C12orf54: variants seen among roughly 807,000 people sequenced by gnomAD.
The protein encoded by C12orf54 is uncharacterized protein C12orf54.
C12orf54 carries 24 observed loss-of-function variants against 26.4 expected under a neutral mutation model. The observed-to-expected ratio is 0.91, with a 90% CI of 0.66 to 1.28. The LOEUF (loss-of-function observed/expected upper bound fraction) is 1.28. C12orf54 is among the 50% of genes most tolerant of loss of function. The pLI, the probability that C12orf54 is intolerant of heterozygous loss-of-function variation, is 0.00. For synonymous variants in C12orf54, 54 were observed against 47.0 expected, an observed-to-expected ratio of 1.15 and a Z score of -0.61; for missense variants, 154 against 150.9, an observed-to-expected ratio of 1.02 and a Z score of -0.11.
At chr12:48,425,114 G>A in the C12orf54 span, among the ~76,000 whole-genome samples, 1 of 152,140 alleles carries the variant, frequency 6.6e-6, no homozygotes. Context: ...AGGGGTACAT[G>A]TGCAGGTTTG....
chr12:48,481,602 A>C (rs1293680785), upstream of C12orf54, among the ~76,000 whole-genome samples: 1 of 152,102 alleles, frequency 6.6e-6, no homozygotes, highest in Non-Finnish European at 1.5e-5. Context: ...CGCCGAGCCA[A>C]TGTTGACACC....
At chr12:48,492,380 G>C (rs1303101883) in intron 6 of C12orf54, among the ~76,000 whole-genome samples, 1 of 152,102 alleles carries the variant, frequency 6.6e-6, no homozygotes, top group Non-Finnish European at 1.5e-5. Context: ...GGTTCAAAAA[G>C]TCAAAAAGGG....
At chr12:48,435,239 CT>C in the C12orf54 span, among the ~76,000 whole-genome samples, 1 of 152,168 alleles carries the variant, frequency 6.6e-6, no homozygotes, top group African/African-American at 2.4e-5. Flanking sequence ...CAAACAAAGC[CT>C]CCAAGAAATA....
chr12:48,472,129 G>A, the C12orf54 span, among the ~76,000 whole-genome samples: 1 of 152,086 alleles, frequency 6.6e-6, no homozygotes, highest in Admixed American at 6.6e-5. Context: ...TTGTGTTCTT[G>A]ATTTATTCTC....
At chr12:48,475,161 C>A in the C12orf54 span, among the ~76,000 whole-genome samples, 1 of 152,166 alleles carries the variant, frequency 6.6e-6, no homozygotes, top group Non-Finnish European at 1.5e-5. Context: ...CTCTAGCAAA[C>A]TCCAACAGAC....
chr12:48,432,555 A>G, the C12orf54 span, among the ~76,000 whole-genome samples: 1 of 152,182 alleles, frequency 6.6e-6, no homozygotes. Context: ...TGCTGCATGA[A>G]CTTTAAAAAT....
the C12orf54 span, among the ~76,000 whole-genome samples, chr12:48,413,296 A>G: frequency 6.6e-6 from 1 of 152,202 alleles, no homozygotes; most frequent in Non-Finnish European, 1.5e-5. Flanking sequence ...CCATTTCTTT[A>G]AGAAGGAGAC....
chr12:48,496,033 T>C (rs577936966), intron 8 of C12orf54, 148 bp from the exon 9 acceptor site: 1 of 152,356 alleles, frequency 6.6e-6, no homozygotes, highest in Admixed American at 6.5e-5. Flanking sequence ...CCTTAGTTCC[T>C]GTTGGATATC....
At chr12:48,444,208 C>G in the C12orf54 span, among the ~76,000 whole-genome samples, 1 of 152,112 alleles carries the variant, frequency 6.6e-6, no homozygotes, top group East Asian at 1.9e-4. Context: ...ATGCATTTTC[C>G]ATATTATTTT....
chr12:48,472,197 C>G, the C12orf54 span, among the ~76,000 whole-genome samples: 1 of 152,148 alleles, frequency 6.6e-6, no homozygotes, highest in Non-Finnish European at 1.5e-5. Context: ...GATTTTGTAT[C>G]CTGAAATCTT....
At chr12:48,473,748 G>T in the C12orf54 span, 1 of 173,654 alleles carries the variant, frequency 5.8e-6, no homozygotes, top group Non-Finnish European at 1.2e-5. Flanking sequence ...TATGTTTCCT[G>T]GTATTTTCCA....
At chr12:48,436,166 C>G in the C12orf54 span, among the ~76,000 whole-genome samples, 1 of 152,120 alleles carries the variant, frequency 6.6e-6, no homozygotes, top group Non-Finnish European at 1.5e-5. Flanking sequence ...AAAACAAGCC[C>G]ATTACATAAT....
the C12orf54 span, among the ~76,000 whole-genome samples, chr12:48,450,026 T>C: frequency 6.6e-6 from 1 of 152,182 alleles, no homozygotes; most frequent in Non-Finnish European, 1.5e-5. Context: ...TCCTGAGGCC[T>C]CCCCATCTAT....
the C12orf54 span, among the ~76,000 whole-genome samples, chr12:48,436,750 A>G: frequency 2.8e-4 from 43 of 152,256 alleles, no homozygotes; most frequent in Non-Finnish European, 5.3e-4. Context: ...GGACACATTC[A>G]AAACAGTGTG....
At chr12:48,448,205 T>C in the C12orf54 span, among the ~76,000 whole-genome samples, 1 of 152,228 alleles carries the variant, frequency 6.6e-6, no homozygotes, top group South Asian at 2.1e-4. Context: ...TCCTGAATTA[T>C]AGAGCCATGA....
the C12orf54 span, among the ~76,000 whole-genome samples, chr12:48,463,977 T>C: frequency 1.3e-5 from 2 of 152,046 alleles, no homozygotes; most frequent in Non-Finnish European, 2.9e-5. Flanking sequence ...GCTAACATCA[T>C]ACTGAATAGC....
At chr12:48,480,698 A>G (rs149790503), upstream of C12orf54, among the ~76,000 whole-genome samples, 24 of 152,226 alleles carry the variant, frequency 1.6e-4, no homozygotes, top group East Asian at 4.4e-3. Context: ...CATCAATCTC[A>G]TTACTTTGGA....
rs9268 is a variant in C12orf54 at position 48,494,906 on chromosome 12, C to G, written c.351C>G (p.Leu117=). 0.59 allele frequency: 953,026 copies of G among 1,610,656 alleles called. 298,004 individuals carry two copies. Among genetic ancestry groups the G allele is most frequent in the Non-Finnish European group, 0.66 (778,210 of 1,176,986 alleles). The stretch of plus-strand genomic sequence containing the variant: ...GTATCCACAACCTGAAGACACAGCT[C>G]TTCAGTCAATCAGCTTACTACCCTG... ...GGRIHNLKTQ[L]FSQSAYYPGP The change falls in exon 8 of 9, where the codon CTC becomes CTG. Residue 117 remains leucine (L), a synonymous_variant. Transcript: ENST00000548364.
chr12:48,445,527 A>C, the C12orf54 span, among the ~76,000 whole-genome samples: 1 of 152,170 alleles, frequency 6.6e-6, no homozygotes, highest in Non-Finnish European at 1.5e-5. Flanking sequence ...AAGTGCCCAG[A>C]GTCTATCGCT....
Sources: gnomAD v4.1 joint callset for allele counts (sites outside exome capture counted in the v4.1 genomes callset) on GRCh38, gnomAD v4.1.1 for gene constraint, MANE v1.5 for transcripts, NCBI Gene and HGNC (gene_info 2026-07-23, HGNC 2026-07-21) for gene names.